Variants in EFNA5 observed in about 807,000 individuals in gnomAD.
EFNA5 encodes the protein ephrin-A5.
In EFNA5, 5 loss-of-function variants were observed where a neutral mutation model predicts 22.9. The observed-to-expected ratio is 0.22, with a 90% CI of 0.11 to 0.46. The LOEUF (loss-of-function observed/expected upper bound fraction) is 0.46, where lower values mean the gene tolerates loss of function less well. EFNA5 is among the 20% of genes least tolerant of loss of function. The pLI is 0.99. For synonymous variants in EFNA5, 113 were observed against 112.2 expected (o/e 1.01, Z -0.04); for missense variants, 237 against 293.3 (o/e 0.81, Z 1.40).
chr5:107,429,655 A>AGGAATCATAT (rs1394910242), intron 1 of EFNA5, among the ~76,000 whole-genome samples: 2 of 152,276 alleles, frequency 1.3e-5, no homozygotes, highest in East Asian at 3.9e-4. Flanking sequence ...CTCATATGTA[A>AGGAATCATAT]GTTGGGCTAA....
chr5:107,381,041 G>GGGGGT lies in EFNA5; in HGVS notation c.*209_*213dup. 1 of 598,576 alleles carries GGGGGT rather than the reference G, an allele frequency of 1.7e-6. No individual in the cohort carries two copies. The highest frequency in any genetic ancestry group is 3.0e-5 in the South Asian group (1 of 33,686). The allele number at this position is 598,576 out of a possible 1,614,324, so 37.1% of individuals were successfully genotyped here. A position where few individuals can be genotyped will look rare whatever the true frequency, so the allele number is the denominator to read the frequency against. Reference sequence around the variant, plus strand: ...GTGAGAGAAGCCAAGGGCCAGGGCTGGGGGTGGGGCGGGGTGGGGTGAGGG... The same window carrying GGGGGT: ...GTGAGAGAAGCCAAGGGCCAGGGCTGGGGGTGGGGTGGGGCGGGGTGGGGTGAGGG... On this transcript the variant is annotated 3_prime_UTR_variant, in exon 5 of 5. Transcript: ENST00000333274.
At chr5:107,571,114 G>A (rs903277078) in intron 1 of EFNA5, among the ~76,000 whole-genome samples, 3 of 152,166 alleles carry the variant, frequency 2.0e-5, no homozygotes, top group African/African-American at 2.4e-5. Flanking sequence ...GGCCCAGGGC[G>A]GCAAGGGTTG....
At chr5:107,592,809 C>T (rs142903340) in intron 1 of EFNA5, among the ~76,000 whole-genome samples, 80 of 152,264 alleles carry the variant, frequency 5.3e-4, no homozygotes, top group African/African-American at 1.9e-3. Flanking sequence ...AGTAAGCCAT[C>T]ACACTTCCTA....
At chr5:107,450,062 C>T (rs1002856831) in intron 1 of EFNA5, among the ~76,000 whole-genome samples, 8 of 152,076 alleles carry the variant, frequency 5.3e-5, no homozygotes, top group African/African-American at 1.7e-4. Flanking sequence ...TCCTTGCAAA[C>T]GATGGGTTAT....
intron 2 of EFNA5, among the ~76,000 whole-genome samples, chr5:107,424,939 G>A (rs1246150611): frequency 6.6e-6 from 1 of 152,134 alleles, no homozygotes; most frequent in African/African-American, 2.4e-5. Flanking sequence ...TGAACACCAA[G>A]CCACTGTGCT....
At position 107,442,097 on chromosome 5, in the gene EFNA5, A is replaced by G. The variant is rs562073071; in HGVS notation, c.126-14588T>C. On this transcript the variant is annotated intron_variant, in intron 1 of 4. Coordinates refer to ENST00000333274, the MANE Select transcript of EFNA5 (RefSeq NM_001962.3). The stretch of plus-strand genomic sequence containing the variant: ...AATAACCTGGCTTTGTATCCTAGAC[A>G]CTACTGATGTTCACTAGTCTTAACC... 5.8e-4 allele frequency among the ~76,000 whole-genome samples: 88 copies of G among 152,286 alleles called. No individual in the cohort carries two copies. The Middle Eastern group carries it at 0.017, about 29-fold the overall frequency.
At chr5:107,539,001 C>T (rs1379425225) in intron 1 of EFNA5, among the ~76,000 whole-genome samples, 1 of 152,200 alleles carries the variant, frequency 6.6e-6, no homozygotes, top group African/African-American at 2.4e-5. Flanking sequence ...ACATTCACAG[C>T]TTGTGAGGCA....
chr5:107,606,922 T>C (rs1749736375), intron 1 of EFNA5, among the ~76,000 whole-genome samples: 1 of 152,204 alleles, frequency 6.6e-6, no homozygotes, highest in Admixed American at 6.5e-5. Flanking sequence ...CTTTTTAAAA[T>C]ACTTCTTACC....
At chr5:107,569,521 GTATATATATTTATATATATA>G (rs1561435868) in intron 1 of EFNA5, among the ~76,000 whole-genome samples, 33 of 125,716 alleles carry the variant, frequency 2.6e-4, no homozygotes, top group African/African-American at 9.5e-4. Flanking sequence ...ATATATGTGT[GTATATATATTTATATATATA>G]TGTGTGTATA....
intron 1 of EFNA5, among the ~76,000 whole-genome samples, chr5:107,539,487 C>A (rs1359181806): frequency 6.6e-6 from 1 of 152,154 alleles, no homozygotes; most frequent in African/African-American, 2.4e-5. Flanking sequence ...AAGAAAAAGT[C>A]TTGCTCTTTT....
At chr5:107,453,799 C>T (rs1212010110) in intron 1 of EFNA5, among the ~76,000 whole-genome samples, 1 of 152,142 alleles carries the variant, frequency 6.6e-6, no homozygotes, top group East Asian at 1.9e-4. Context: ...TTCAAGAGTG[C>T]TCAAGGCCAT....
intron 2 of EFNA5, among the ~76,000 whole-genome samples, chr5:107,417,929 T>C (rs976659840): frequency 1.3e-5 from 2 of 152,150 alleles, no homozygotes; most frequent in Non-Finnish European, 2.9e-5. Flanking sequence ...TCTGTAGAAA[T>C]AGTATTTCTT....
At chr5:107,552,007 A>C (rs1010411859) in intron 1 of EFNA5, among the ~76,000 whole-genome samples, 23 of 152,154 alleles carry the variant, frequency 1.5e-4, no homozygotes, top group African/African-American at 5.3e-4. Context: ...TTTTATAGCA[A>C]TCTCTCTCCT....
chr5:107,529,626 G>T (rs751836341), intron 1 of EFNA5, among the ~76,000 whole-genome samples: 4 of 152,168 alleles, frequency 2.6e-5, no homozygotes, highest in Non-Finnish European at 5.9e-5. Context: ...AACCTTTTTG[G>T]TGCCATTCCA....
At chr5:107,506,948 A>G (rs1747267036) in intron 1 of EFNA5, among the ~76,000 whole-genome samples, 1 of 152,148 alleles carries the variant, frequency 6.6e-6, no homozygotes, top group African/African-American at 2.4e-5. Flanking sequence ...TTATTATCCT[A>G]CGGGCTAAGA....
At chr5:107,542,488 C>G (rs1263254359) in intron 1 of EFNA5, among the ~76,000 whole-genome samples, 1 of 152,006 alleles carries the variant, frequency 6.6e-6, no homozygotes, top group Non-Finnish European at 1.5e-5. Context: ...GTAGAGTCTG[C>G]CGCCTGCATG....
chr5:107,536,287 C>T (rs191637563), intron 1 of EFNA5, among the ~76,000 whole-genome samples: 6 of 152,260 alleles, frequency 3.9e-5, no homozygotes, highest in Admixed American at 6.5e-5. Context: ...AGCAACAGGC[C>T]GACCCTCTAC....
At chr5:107,557,524 G>A (rs576712385) in intron 1 of EFNA5, among the ~76,000 whole-genome samples, 106 of 152,286 alleles carry the variant, frequency 7.0e-4, no homozygotes, top group Non-Finnish European at 1.0e-3. Flanking sequence ...AGCTATTTTT[G>A]TTTCCTCATG....
At position 107,569,355 on chromosome 5, in the gene EFNA5, A is replaced by T. The variant is rs891624149; in HGVS notation, c.125+101134T>A. On this transcript the variant is annotated intron_variant, in intron 1 of 4. Coordinates refer to ENST00000333274, the MANE Select transcript of EFNA5 (RefSeq NM_001962.3). ...GAAAGGACTGCAGACTACCCTTAAA[A>T]TATATATACGTGTATATATATATAT... Among the ~76,000 whole-genome samples, 15 of 140,832 alleles carry T rather than the reference A, an allele frequency of 1.1e-4. No individual in the cohort carries two copies. In the South Asian group the frequency reaches 3.2e-3, roughly 30 times the overall value. The allele number at this position is 140,832 out of a possible 152,430, so 92.4% of individuals were successfully genotyped here. A position where few individuals can be genotyped will look rare whatever the true frequency, so the allele number is the denominator to read the frequency against.
Sources: gnomAD v4.1 joint callset for allele counts (sites outside exome capture counted in the v4.1 genomes callset) on GRCh38, gnomAD v4.1.1 for gene constraint, MANE v1.5 for transcripts, NCBI Gene and HGNC (gene_info 2026-07-23, HGNC 2026-07-21) for gene names.